WWOX: variants seen among roughly 807,000 people sequenced by gnomAD.
WWOX encodes WW domain containing oxidoreductase.
A neutral mutation model predicts 46.2 loss-of-function variants in WWOX; 69 were observed. The ratio of observed to expected loss-of-function variants is 1.49; its 90% confidence interval spans 1.23 to 1.82. The LOEUF is 1.82. Among genes scored for constraint, WWOX ranks in the 40% most tolerant of loss-of-function variants. The pLI is 0.00. For missense variants in WWOX, 919 were observed against 542.6 expected (o/e 1.69, Z -6.89); for synonymous variants, 359 against 202.6 (o/e 1.77, Z -6.56).
chr16:78,829,545 A>G (rs2051756794), intron 8 of WWOX, among the ~76,000 whole-genome samples: 1 of 152,010 alleles, frequency 6.6e-6, no homozygotes, highest in African/African-American at 2.4e-5. Context: ...AGTCAAGTTG[A>G]CACCTACAAT....
chr16:78,825,698 A>G (rs2051633844), intron 8 of WWOX: 13 of 541,564 alleles, frequency 2.4e-5, no homozygotes, highest in South Asian at 2.2e-4. Context: ...TTTCTGGGAG[A>G]CTCTGAGGAC....
At chr16:78,382,005 T>A (rs956869101) in intron 5 of WWOX, among the ~76,000 whole-genome samples, 1 of 152,194 alleles carries the variant, frequency 6.6e-6, no homozygotes, top group Non-Finnish European at 1.5e-5. Flanking sequence ...AGCAGGTGCA[T>A]GCTGCTATGC....
rs376647520 is a variant in WWOX at position 79,022,170 on chromosome 16, G to A, written c.1057-189438G>A. On this transcript the variant is annotated intron_variant, in intron 8 of 8. Coordinates refer to ENST00000566780, the MANE Select transcript of WWOX (RefSeq NM_016373.4). ...CAAGCAATTTGCTTTTGCTGGTGAA[G>A]GAGGTATAAAAGGTAGAGTTGCAAA... Among the ~76,000 whole-genome samples, 257 of 152,286 alleles carry A rather than the reference G, an allele frequency of 1.7e-3. 4 individuals are homozygous for A. The South Asian group carries it at 0.046, about 27-fold the overall frequency.
chr16:78,847,891 A>T (rs139869367), intron 8 of WWOX, among the ~76,000 whole-genome samples: 1 of 152,286 alleles, frequency 6.6e-6, no homozygotes, highest in Non-Finnish European at 1.5e-5. Context: ...AAGCGGTCAG[A>T]TACTGGGACT....
chr16:79,066,686 A>G (rs1413441069), intron 8 of WWOX, among the ~76,000 whole-genome samples: 2 of 152,178 alleles, frequency 1.3e-5, no homozygotes, highest in Non-Finnish European at 2.9e-5. Context: ...GCGAATTTGC[A>G]TTTCTCAGGC....
chr16:78,610,418 A>G (rs1388604408), intron 8 of WWOX, among the ~76,000 whole-genome samples: 1 of 152,196 alleles, frequency 6.6e-6, no homozygotes, highest in East Asian at 1.9e-4. Context: ...CTATCAAAGG[A>G]AGAACAAATC....
At chr16:78,727,801 A>T (rs150091656) in intron 8 of WWOX, among the ~76,000 whole-genome samples, 216 of 152,076 alleles carry the variant, frequency 1.4e-3, no homozygotes, top group Admixed American at 3.7e-3. Context: ...GGAATGGTAG[A>T]GTGTGTCCTA....
intron 8 of WWOX, among the ~76,000 whole-genome samples, chr16:78,445,276 G>C (rs533661196): frequency 6.6e-6 from 1 of 152,278 alleles, no homozygotes; most frequent in East Asian, 1.9e-4. Flanking sequence ...GCGAGTAAAG[G>C]GGGAATATGT....
intron 8 of WWOX, among the ~76,000 whole-genome samples, chr16:78,655,992 A>G (rs1373789253): frequency 3.9e-5 from 6 of 152,142 alleles, no homozygotes; most frequent in Non-Finnish European, 7.3e-5. Context: ...GGAAAAAAAG[A>G]GAAACACAAC....
chr16:78,721,865 C>T (rs768740476), intron 8 of WWOX, among the ~76,000 whole-genome samples: 4 of 152,224 alleles, frequency 2.6e-5, no homozygotes, highest in Admixed American at 6.5e-5. Flanking sequence ...GCAGAGCAAA[C>T]GCACACGTGC....
chr16:79,097,792 G>A (rs2049107601), intron 8 of WWOX, among the ~76,000 whole-genome samples: 1 of 152,114 alleles, frequency 6.6e-6, no homozygotes, highest in Non-Finnish European at 1.5e-5. Context: ...GCTGAGAGTG[G>A]GAACTGAGGA....
At chr16:78,849,072 C>T (rs1220203548) in intron 8 of WWOX, among the ~76,000 whole-genome samples, 1 of 152,142 alleles carries the variant, frequency 6.6e-6, no homozygotes, top group African/African-American at 2.4e-5. Flanking sequence ...GACAATCTTG[C>T]CACAGCTCCC....
intron 8 of WWOX, among the ~76,000 whole-genome samples, chr16:78,801,401 C>G (rs1170939043): frequency 6.6e-6 from 1 of 152,058 alleles, no homozygotes; most frequent in Admixed American, 6.5e-5. Context: ...CCCAGCTACT[C>G]AGGAGGCTGA....
chr16:78,526,135 A>G (rs1377449392), intron 8 of WWOX: 1 of 152,178 alleles, frequency 6.6e-6, no homozygotes, highest in Non-Finnish European at 1.5e-5. Context: ...ATTGTAGCGG[A>G]AGAAAGTGAG....
intron 5 of WWOX, among the ~76,000 whole-genome samples, chr16:78,238,415 G>A (rs2037514616): frequency 6.6e-6 from 1 of 151,976 alleles, no homozygotes; most frequent in African/African-American, 2.4e-5. Context: ...TCTTCCTGCT[G>A]TAGCCTCCCA....
chr16:78,798,646 G>A (rs979378374), intron 8 of WWOX, among the ~76,000 whole-genome samples: 3 of 147,778 alleles, frequency 2.0e-5, no homozygotes, highest in East Asian at 3.9e-4. Flanking sequence ...GGTTTTTCTC[G>A]AAACATATAT....
intron 8 of WWOX, among the ~76,000 whole-genome samples, chr16:78,435,165 G>A (rs1313892556): frequency 6.6e-6 from 1 of 152,082 alleles, no homozygotes; most frequent in Non-Finnish European, 1.5e-5. Context: ...ACCAGAGTAT[G>A]GGGTTAGAAA....
intron 8 of WWOX, among the ~76,000 whole-genome samples, chr16:78,624,066 A>G (rs960018872): frequency 1.3e-5 from 2 of 152,198 alleles, no homozygotes; most frequent in African/African-American, 2.4e-5. Flanking sequence ...AATTCAATAT[A>G]TGTCCTGCTT....
At chr16:78,931,634 G>C (rs1033808868) in intron 8 of WWOX, among the ~76,000 whole-genome samples, 2 of 152,222 alleles carry the variant, frequency 1.3e-5, no homozygotes, top group African/African-American at 4.8e-5. Context: ...GTAAAATATA[G>C]TGCAGAATAT....
Sources: gnomAD v4.1 joint callset for allele counts (sites outside exome capture counted in the v4.1 genomes callset) on GRCh38, gnomAD v4.1.1 for gene constraint, MANE v1.5 for transcripts, NCBI Gene and HGNC (gene_info 2026-07-23, HGNC 2026-07-21) for gene names.